CYRIB: variants seen among roughly 807,000 people sequenced by gnomAD.
CYRIB encodes CYFIP related Rac1 interactor B.
CYRIB carries 8 observed loss-of-function variants against 44.2 expected under a neutral mutation model. The ratio of observed to expected loss-of-function variants is 0.18; its 90% CI spans 0.11 to 0.33. The LOEUF is 0.33. Ranked by LOEUF, CYRIB falls within the 10% of genes least tolerant of loss-of-function variation. The pLI, the probability that CYRIB is intolerant of heterozygous loss-of-function variation, is 1.00. For missense variants in CYRIB, 185 were observed against 382.8 expected (o/e 0.48, Z 4.31); for synonymous variants, 131 against 127.2 (o/e 1.03, Z -0.20).
At chr8:129,989,161 CAT>C (rs1285742699) in intron 1 of CYRIB, among the ~76,000 whole-genome samples, 1 of 152,182 alleles carries the variant, frequency 6.6e-6, no homozygotes, top group Non-Finnish European at 1.5e-5. Flanking sequence ...CACAGAGAAG[CAT>C]ATGTGTTTTC....
At chr8:129,955,022 G>C (rs1346779724) in intron 2 of CYRIB, among the ~76,000 whole-genome samples, 1 of 152,172 alleles carries the variant, frequency 6.6e-6, no homozygotes, top group Non-Finnish European at 1.5e-5. Flanking sequence ...GAGAAGCTGA[G>C]GCAGGCGGAT....
chr8:130,016,939 G>A (rs915622415), upstream of CYRIB: 3 of 152,262 alleles, frequency 2.0e-5, no homozygotes, highest in African/African-American at 7.2e-5. Flanking sequence ...CTGCCTGTCA[G>A]GCAGGGCTTG....
chr8:129,930,379 ATTTTAAT>A (rs2090676329), intron 1 of CYRIB, among the ~76,000 whole-genome samples: 7 of 130,086 alleles, frequency 5.4e-5, no homozygotes, highest in East Asian at 2.1e-4. Context: ...ATATATATAT[ATTTTAAT>A]TATTTAAATC....
chr8:129,918,645 C>A (rs1383835185), intron 1 of CYRIB, among the ~76,000 whole-genome samples: 2 of 152,178 alleles, frequency 1.3e-5, no homozygotes, highest in Non-Finnish European at 2.9e-5. Flanking sequence ...CATCAAAACG[C>A]TGGACCCTTT....
At chr8:129,924,287 A>AC in intron 1 of CYRIB, among the ~76,000 whole-genome samples, 1 of 13,284 alleles carries the variant, frequency 7.5e-5, no homozygotes, top group Non-Finnish European at 1.8e-4. Flanking sequence ...AAAAAAAAAA[A>AC]AACCGGGGGG....
intron 1 of CYRIB, among the ~76,000 whole-genome samples, chr8:129,916,596 C>T (rs777042805): frequency 9.2e-5 from 14 of 152,138 alleles, no homozygotes; most frequent in Non-Finnish European, 2.1e-4. Context: ...AAAGGCATTC[C>T]TTTCTTCCTT....
intron 1 of CYRIB, among the ~76,000 whole-genome samples, chr8:129,981,543 G>A (rs2096241242): frequency 6.6e-6 from 1 of 152,176 alleles, no homozygotes; most frequent in Admixed American, 6.5e-5. Context: ...ATGGAGAACT[G>A]ATTATCAAAT....
At chr8:129,973,005 T>G (rs781036843) in intron 1 of CYRIB, among the ~76,000 whole-genome samples, 1 of 152,168 alleles carries the variant, frequency 6.6e-6, no homozygotes, top group Non-Finnish European at 1.5e-5. Flanking sequence ...TAACTTCTGT[T>G]ATAAAGTGAG....
At chr8:129,870,362 G>A (rs1383328653) in intron 4 of CYRIB, among the ~76,000 whole-genome samples, 3 of 152,212 alleles carry the variant, frequency 2.0e-5, no homozygotes, top group Admixed American at 2.0e-4. Context: ...GTGAGCTGTG[G>A]TTGCACCACT....
intron 4 of CYRIB, among the ~76,000 whole-genome samples, chr8:129,869,929 T>A (rs1486101253): frequency 1.3e-5 from 2 of 149,344 alleles, no homozygotes; most frequent in Non-Finnish European, 3.0e-5. Context: ...AAAAGAAATG[T>A]GTATAATGTG....
At chr8:129,839,822 G>A (rs2035451287) in exon 12 of CYRIB, 1 of 152,196 alleles carries the variant, frequency 6.6e-6, no homozygotes, top group Non-Finnish European at 1.5e-5. Context: ...AGTGTGAACT[G>A]TGTGAACTGC....
At chr8:129,876,840 T>A (rs964714212) in intron 3 of CYRIB, among the ~76,000 whole-genome samples, 7 of 152,202 alleles carry the variant, frequency 4.6e-5, no homozygotes, top group Non-Finnish European at 8.8e-5. Context: ...ATTACTCTGG[T>A]GACATGAATA....
chr8:129,910,477 C>CTTCTTT (rs1275002515), intron 1 of CYRIB, among the ~76,000 whole-genome samples: 1 of 110,656 alleles, frequency 9.0e-6, no homozygotes, highest in African/African-American at 3.4e-5. Flanking sequence ...CCTTCTTTCA[C>CTTCTTT]TTTTTTTTTT....
intron 1 of CYRIB, among the ~76,000 whole-genome samples, chr8:129,983,342 G>T (rs2096319007): frequency 6.6e-6 from 1 of 152,184 alleles, no homozygotes; most frequent in African/African-American, 2.4e-5. Flanking sequence ...CTACTCGGGA[G>T]GCTGAGGCAG....
At chr8:129,840,811 T>G (rs1373543732) in exon 12 of CYRIB, 1 of 152,026 alleles carries the variant, frequency 6.6e-6, no homozygotes, top group Non-Finnish European at 1.5e-5. Flanking sequence ...GCCAGAGAGA[T>G]CAGCAGGGAT....
chr8:129,884,761 G>A (rs962505206), intron 2 of CYRIB, among the ~76,000 whole-genome samples: 1 of 152,086 alleles, frequency 6.6e-6, no homozygotes, highest in African/African-American at 2.4e-5. Context: ...ACTAAATATT[G>A]TATTTACTAA....
chr8:129,951,922 G>A (rs1189435881), intron 2 of CYRIB, among the ~76,000 whole-genome samples: 1 of 152,146 alleles, frequency 6.6e-6, no homozygotes, highest in Non-Finnish European at 1.5e-5. Flanking sequence ...CCAGCCCCTA[G>A]AACAATGTCT....
intron 3 of CYRIB, among the ~76,000 whole-genome samples, chr8:129,876,236 G>T (rs972925849): frequency 6.6e-6 from 1 of 152,066 alleles, no homozygotes; most frequent in African/African-American, 2.4e-5. Context: ...TTTCTGGCAG[G>T]TGGGCACCTG....
intron 2 of CYRIB, among the ~76,000 whole-genome samples, chr8:129,888,278 TC>T: frequency 6.6e-6 from 1 of 152,296 alleles, no homozygotes; most frequent in South Asian, 2.1e-4. Flanking sequence ...CTCTTCGCCT[TC>T]CGCCATTCAA....
Sources: allele counts gnomAD v4.1 joint callset (sites outside exome capture counted in the v4.1 genomes callset), GRCh38; gene constraint gnomAD v4.1.1; transcripts MANE v1.5; gene names NCBI Gene and HGNC (gene_info 2026-07-23, HGNC 2026-07-21).